The following PLXNA4 variants were observed in gnomAD, a reference collection of about 807,000 sequenced individuals.
The protein encoded by PLXNA4 is plexin A4, also known as plexin-A4.
A neutral mutation model predicts 191.8 loss-of-function variants in PLXNA4; 44 were observed. That is an observed-to-expected ratio of 0.23 (90% confidence interval 0.18 to 0.29). The LOEUF is 0.29. Ranked by LOEUF, PLXNA4 falls within the 10% of genes least tolerant of loss-of-function variation. The pLI, the probability that PLXNA4 is intolerant of heterozygous loss-of-function variation, is 1.00. For synonymous variants in PLXNA4, 1,082 were observed against 1,009.5 expected (o/e 1.07, Z -1.36); for missense variants, 1,800 against 2,488.8 (o/e 0.72, Z 5.89).
rs1236458080 is a variant in PLXNA4, at chr7:132,389,869, AC to A, written c.1372-91648del. Among the ~76,000 whole-genome samples, 4 of 152,192 alleles carry A rather than the reference AC, an allele frequency of 2.6e-5. No homozygotes were observed. In the South Asian group the frequency reaches 6.2e-4, roughly 24 times the overall value. ...TATAACTTACTTTGGGCAGTAAGAT[AC>A]CATCTCACACCAGTTAGATTGGTGA... is the stretch of plus-strand genomic sequence containing the variant. On this transcript the variant is annotated intron_variant, in intron 3 of 31. Coordinates refer to ENST00000321063, the MANE Select transcript of PLXNA4 (RefSeq NM_020911.2).
At chr7:132,315,846 C>T (rs1310784086) in intron 3 of PLXNA4, among the ~76,000 whole-genome samples, 1 of 152,164 alleles carries the variant, frequency 6.6e-6, no homozygotes, top group Non-Finnish European at 1.5e-5. Flanking sequence ...GAGGAAAGTG[C>T]CACGTGTGTG....
At chr7:132,293,403 C>G (rs10954371) in intron 4 of PLXNA4, among the ~76,000 whole-genome samples, 1 of 151,986 alleles carries the variant, frequency 6.6e-6, no homozygotes, top group Non-Finnish European at 1.5e-5. Flanking sequence ...ATAAAACCAC[C>G]GGATCTTGTG....
At chr7:132,493,549 G>A (rs1044824099) in intron 2 of PLXNA4, among the ~76,000 whole-genome samples, 2 of 152,120 alleles carry the variant, frequency 1.3e-5, no homozygotes, top group Non-Finnish European at 2.9e-5. Flanking sequence ...CTCATAGAAT[G>A]CATGGGGTAC....
At chr7:132,559,311 C>A (rs773403370) in intron 1 of PLXNA4, among the ~76,000 whole-genome samples, 16 of 152,108 alleles carry the variant, frequency 1.1e-4, no homozygotes, top group Non-Finnish European at 2.1e-4. Flanking sequence ...ACTTACCCTG[C>A]CCCCTGTTTC....
chr7:132,341,380 C>T (rs1803021264), intron 3 of PLXNA4, among the ~76,000 whole-genome samples: 1 of 152,298 alleles, frequency 6.6e-6, no homozygotes, highest in Middle Eastern at 3.4e-3. Context: ...TATGACAATA[C>T]ATTGATTGTA....
At chr7:132,162,464 G>C (rs1239489242) in intron 24 of PLXNA4, among the ~76,000 whole-genome samples, 2 of 152,168 alleles carry the variant, frequency 1.3e-5, no homozygotes, top group African/African-American at 4.8e-5. Context: ...TGGAACAAAG[G>C]ATGTTGCAAT....
intron 2 of PLXNA4, among the ~76,000 whole-genome samples, chr7:132,598,058 T>C (rs1463437536): frequency 1.3e-5 from 2 of 152,210 alleles, no homozygotes; most frequent in African/African-American, 4.8e-5. Flanking sequence ...TATGTGTGAC[T>C]AACTTGTGCT....
At chr7:132,352,638 G>T (rs187746552) in intron 3 of PLXNA4, among the ~76,000 whole-genome samples, 1 of 152,280 alleles carries the variant, frequency 6.6e-6, no homozygotes, top group East Asian at 1.9e-4. Context: ...CACACTATGG[G>T]GAAGCGAACA....
intron 14 of PLXNA4, 51 bp downstream of exon 14, chr7:132,194,011 A>G (rs1797172790): frequency 2.5e-6 from 4 of 1,577,392 alleles, no homozygotes; most frequent in Admixed American, 1.7e-5. Flanking sequence ...CAATCATGGT[A>G]ATGAGCTCTG....
chr7:132,461,972 A>T (rs1397513244), intron 3 of PLXNA4, among the ~76,000 whole-genome samples: 4 of 152,260 alleles, frequency 2.6e-5, no homozygotes, highest in Non-Finnish European at 5.9e-5. Context: ...CAGATCTATG[A>T]GCAATGAAAA....
At chr7:132,173,230 G>C (rs563697708) in intron 21 of PLXNA4, among the ~76,000 whole-genome samples, 4 of 152,172 alleles carry the variant, frequency 2.6e-5, no homozygotes, top group Non-Finnish European at 4.4e-5. Context: ...ACGAAGGTGA[G>C]GCTGGAGAAA....
At chr7:132,514,134 C>T (rs1288353973) in intron 1 of PLXNA4, among the ~76,000 whole-genome samples, 1 of 151,744 alleles carries the variant, frequency 6.6e-6, no homozygotes, top group African/African-American at 2.4e-5. Context: ...TCACTGCAAG[C>T]TCTGCCTCCT....
At chr7:132,449,071 C>G (rs1475343342) in intron 3 of PLXNA4, among the ~76,000 whole-genome samples, 1 of 152,206 alleles carries the variant, frequency 6.6e-6, no homozygotes, top group South Asian at 2.1e-4. Context: ...GATGTCAAGA[C>G]TTTTCAAATC....
At chr7:132,260,253 A>T (rs1253842360) in intron 4 of PLXNA4, among the ~76,000 whole-genome samples, 1 of 152,210 alleles carries the variant, frequency 6.6e-6, no homozygotes, top group Non-Finnish European at 1.5e-5. Flanking sequence ...CATGGAGTCA[A>T]CCTGGATGCC....
intron 28 of PLXNA4, 30 bp downstream of exon 28, chr7:132,146,480 C>A: frequency 1.2e-6 from 2 of 1,614,120 alleles, no homozygotes; most frequent in Non-Finnish European, 1.7e-6. Flanking sequence ...AGCCTCTGGG[C>A]TCCCTGCACC....
At chr7:132,421,209 T>C (rs1236551101) in intron 3 of PLXNA4, among the ~76,000 whole-genome samples, 1 of 152,246 alleles carries the variant, frequency 6.6e-6, no homozygotes, top group Non-Finnish European at 1.5e-5. Flanking sequence ...CTTTTGTGTC[T>C]GGCTTATTTC....
intron 4 of PLXNA4, among the ~76,000 whole-genome samples, chr7:132,269,004 A>G (rs773459972): frequency 5.3e-5 from 8 of 152,146 alleles, no homozygotes; most frequent in Non-Finnish European, 1.2e-4. Flanking sequence ...TGTAAAAACA[A>G]AGTATTATTA....
intron 30 of PLXNA4, among the ~76,000 whole-genome samples, chr7:132,139,961 C>A (rs1464615879): frequency 6.6e-6 from 1 of 152,216 alleles, no homozygotes; most frequent in African/African-American, 2.4e-5. Flanking sequence ...AAACCATTAA[C>A]CTTCTTTACC....
At chr7:132,429,771 T>C (rs553078878) in intron 3 of PLXNA4, among the ~76,000 whole-genome samples, 1 of 152,304 alleles carries the variant, frequency 6.6e-6, no homozygotes, top group African/African-American at 2.4e-5. Flanking sequence ...ATTCCTTGAC[T>C]CCATAAACCC....
Sources: gnomAD v4.1 joint callset for allele counts (sites outside exome capture counted in the v4.1 genomes callset) on GRCh38, gnomAD v4.1.1 for gene constraint, MANE v1.5 for transcripts, NCBI Gene and HGNC (gene_info 2026-07-23, HGNC 2026-07-21) for gene names.